Variants in GHR observed in about 807,000 individuals in gnomAD.
GHR encodes GH receptor.
A neutral mutation model predicts 67.1 loss-of-function variants in GHR; 35 were observed. The ratio of observed to expected loss-of-function variants is 0.52; its 90% CI spans 0.40 to 0.69. The LOEUF is 0.69. Among genes scored for constraint, GHR ranks in the 30% least tolerant of loss-of-function variants. GHR has a pLI of 0.00. For synonymous variants in GHR, 272 were observed against 269.1 expected (o/e 1.01, Z -0.10); for missense variants, 792 against 764.6 (o/e 1.04, Z -0.42).
intron 1 of GHR, among the ~76,000 whole-genome samples, chr5:42,470,192 ATAT>A (rs966713532): frequency 4.7e-5 from 7 of 147,662 alleles, no homozygotes; most frequent in Non-Finnish European, 8.9e-5. Context: ...ATATACTATT[ATAT>A]TATATCTATA....
intron 6 of GHR, 24 bp from the exon 7 acceptor site, chr5:42,711,183 T>C: frequency 6.3e-7 from 1 of 1,595,526 alleles, no homozygotes; most frequent in Non-Finnish European, 8.6e-7. Context: ...TTGGCCAATA[T>C]GCGTTTATAT....
intron 3 of GHR, among the ~76,000 whole-genome samples, chr5:42,688,543 C>T (rs1757268866): frequency 6.6e-6 from 1 of 152,156 alleles, no homozygotes; most frequent in Admixed American, 6.5e-5. Context: ...TCCTTCCCAC[C>T]CTCCCCATTC....
At chr5:42,478,514 G>A (rs1175280855) in intron 1 of GHR, among the ~76,000 whole-genome samples, 1 of 152,168 alleles carries the variant, frequency 6.6e-6, no homozygotes, top group Non-Finnish European at 1.5e-5. Context: ...TCCTACCCAT[G>A]AGCATGGAAT....
intron 1 of GHR, among the ~76,000 whole-genome samples, chr5:42,554,163 A>G (rs190659918): frequency 6.6e-6 from 1 of 152,198 alleles, no homozygotes; most frequent in African/African-American, 2.4e-5. Flanking sequence ...CAATTCATCT[A>G]TGATAAAGCC....
intron 7 of GHR, 33 bp from the exon 8 acceptor site, chr5:42,713,394 TAA>T (rs1375968161): frequency 1.8e-5 from 17 of 937,358 alleles, no homozygotes; most frequent in Non-Finnish European, 2.6e-5. Flanking sequence ...CAACTATTCG[TAA>T]TTCTGAAAGC....
chr5:42,682,401 A>G (rs1756929933), intron 3 of GHR, among the ~76,000 whole-genome samples: 1 of 152,218 alleles, frequency 6.6e-6, no homozygotes, highest in Non-Finnish European at 1.5e-5. Flanking sequence ...GAGAAGACCT[A>G]AGAGTCTATA....
intron 2 of GHR, among the ~76,000 whole-genome samples, chr5:42,608,675 C>G (rs1752744615): frequency 6.6e-6 from 1 of 151,842 alleles, no homozygotes; most frequent in Admixed American, 6.6e-5. Context: ...TATTTTGAAC[C>G]CTCAAATTAA....
intron 2 of GHR, among the ~76,000 whole-genome samples, chr5:42,567,636 C>T (rs1750018020): frequency 6.6e-6 from 1 of 151,268 alleles, no homozygotes; most frequent in African/African-American, 2.4e-5. Context: ...ACCAATATTT[C>T]TTTTTCCTTT....
chr5:42,534,486 ATATG>A (rs967667734), intron 1 of GHR, among the ~76,000 whole-genome samples: 7 of 141,408 alleles, frequency 5.0e-5, no homozygotes, highest in African/African-American at 2.1e-4. Context: ...ATATGTGTAT[ATATG>A]TATGTATATA....
At chr5:42,425,166 C>T (rs1423267165) in intron 1 of GHR, 1 of 241,886 alleles carries the variant, frequency 4.1e-6, no homozygotes, top group Non-Finnish European at 6.7e-6. Context: ...TTGGGGAGTT[C>T]TCAGGAGAAC....
chr5:42,461,163 G>A (rs1319135892), intron 1 of GHR, among the ~76,000 whole-genome samples: 4 of 152,160 alleles, frequency 2.6e-5, no homozygotes, highest in African/African-American at 4.8e-5. Context: ...CCTAGCAAAG[G>A]AGGACACAGC....
At chr5:42,683,866 A>G (rs1367781190) in intron 3 of GHR, among the ~76,000 whole-genome samples, 1 of 152,220 alleles carries the variant, frequency 6.6e-6, no homozygotes, top group Non-Finnish European at 1.5e-5. Context: ...GGTAATAAGG[A>G]CTTTCTATGC....
At chr5:42,655,609 A>G (rs1755216518) in intron 3 of GHR, among the ~76,000 whole-genome samples, 1 of 152,152 alleles carries the variant, frequency 6.6e-6, no homozygotes, top group Admixed American at 6.6e-5. Context: ...ACATATGTTT[A>G]CATATTTGTA....
chr5:42,592,230 C>T (rs1445306553), intron 2 of GHR, among the ~76,000 whole-genome samples: 3 of 152,142 alleles, frequency 2.0e-5, no homozygotes, highest in Admixed American at 2.0e-4. Context: ...CCCCTATCTG[C>T]CATCTTAATC....
At chr5:42,662,558 A>G (rs1162870156) in intron 3 of GHR, among the ~76,000 whole-genome samples, 16 of 152,188 alleles carry the variant, frequency 1.1e-4, no homozygotes, top group East Asian at 9.7e-4. Context: ...TGAAACCAAC[A>G]AGAACAAAGA....
chr5:42,604,013 C>G (rs1354726269), intron 2 of GHR, among the ~76,000 whole-genome samples: 3 of 152,200 alleles, frequency 2.0e-5, no homozygotes, highest in Non-Finnish European at 4.4e-5. Flanking sequence ...CTTGGAAACA[C>G]TTGCTTATGT....
intron 1 of GHR, among the ~76,000 whole-genome samples, chr5:42,542,353 G>A (rs1748550964): frequency 6.6e-6 from 1 of 152,170 alleles, no homozygotes. Flanking sequence ...GGTGACTAGA[G>A]CAAAAGCTAT....
chr5:42,437,151 A>G (rs961522913), intron 1 of GHR, among the ~76,000 whole-genome samples: 2 of 152,220 alleles, frequency 1.3e-5, no homozygotes, highest in Admixed American at 1.3e-4. Flanking sequence ...CCTAGAAGGA[A>G]TAAGCTGGGA....
At chr5:42,656,516 GT>G (rs1464007564) in intron 3 of GHR, among the ~76,000 whole-genome samples, 5 of 152,076 alleles carry the variant, frequency 3.3e-5, no homozygotes, top group African/African-American at 1.2e-4. Context: ...TTGCACTCCT[GT>G]CCATCCCCCA....
Sources: allele counts gnomAD v4.1 joint callset (sites outside exome capture counted in the v4.1 genomes callset), GRCh38; gene constraint gnomAD v4.1.1; transcripts MANE v1.5; gene names NCBI Gene and HGNC (gene_info 2026-07-23, HGNC 2026-07-21).